The following CADPS2 variants were observed in gnomAD, a reference collection of about 807,000 sequenced individuals.
CADPS2 encodes calcium-dependent secretion activator 2.
Under a neutral mutation model 172.5 loss-of-function variants are expected in CADPS2, and 93 were observed. That is an observed-to-expected ratio of 0.54 (90% CI 0.46 to 0.64). The LOEUF (loss-of-function observed/expected upper bound fraction) is 0.64, where lower values mean the gene tolerates loss of function less well. Among genes scored for constraint, CADPS2 ranks in the 30% least tolerant of loss-of-function variants. The pLI is 0.00. For synonymous variants in CADPS2, 546 were observed against 555.2 expected, an observed-to-expected ratio of 0.98 and a Z score of 0.23; for missense variants, 1,420 against 1,565.9, an observed-to-expected ratio of 0.91 and a Z score of 1.57.
At chr7:122,796,869 G>C (rs1020086359) in intron 1 of CADPS2, among the ~76,000 whole-genome samples, 1 of 151,930 alleles carries the variant, frequency 6.6e-6, no homozygotes, top group Non-Finnish European at 1.5e-5. Context: ...CTGATGAATG[G>C]GATCTAACTC....
intron 1 of CADPS2, among the ~76,000 whole-genome samples, chr7:122,766,634 T>C (rs2093558568): frequency 6.6e-6 from 1 of 152,138 alleles, no homozygotes; most frequent in Admixed American, 6.6e-5. Flanking sequence ...TGAAACGCCA[T>C]CTTGCTCACA....
At position 122,561,415 on chromosome 7, in the gene CADPS2, T is replaced by C. The variant is rs144534219; in HGVS notation, c.1336-6726A>G. On this transcript the variant is annotated intron_variant, in intron 7 of 29. Transcript: ENST00000449022. ...AACAAAGTATTATCCTAAGTGGATA[T>C]ATTTTCCTTGACATTAGCTTGTTAA... Among the ~76,000 whole-genome samples the C allele has an allele frequency of 4.4e-4, 67 of 152,226 alleles. No individual in the cohort carries two copies. The East Asian group carries it at 4.8e-3, about 11-fold the overall frequency.
intron 17 of CADPS2, among the ~76,000 whole-genome samples, chr7:122,430,826 T>A (rs981094837): frequency 3.3e-5 from 5 of 152,228 alleles, no homozygotes; most frequent in Non-Finnish European, 5.9e-5. Context: ...TTATGAAATT[T>A]AAAAATCCTT....
At chr7:122,681,511 A>G in intron 2 of CADPS2, 3 of 1,459,994 alleles carry the variant, frequency 2.1e-6, no homozygotes, top group Non-Finnish European at 2.8e-6. Flanking sequence ...GTGCTTCCCA[A>G]GCTGTATGTG....
In CADPS2 at chr7:122,418,129, C is replaced by T. The variant is rs182224932; in HGVS notation, c.2477-1965G>A. ...AGGTTGCAGTGAGCCAATATCACAC[C>T]ATTGCGCTCCAGCCTGGGTGACAGA... On this transcript the variant is annotated intron_variant, in intron 17 of 29. Transcript: ENST00000449022. Among the ~76,000 whole-genome samples the T allele has an allele frequency of 4.4e-4, 67 of 151,124 alleles. No homozygotes were observed. The East Asian group carries it at 0.011, about 24-fold the overall frequency.
chr7:122,842,938 A>G (rs1810968059), intron 1 of CADPS2, among the ~76,000 whole-genome samples: 1 of 152,226 alleles, frequency 6.6e-6, no homozygotes, highest in Admixed American at 6.5e-5. Flanking sequence ...AAAGCCTTTC[A>G]GTGACCACAA....
chr7:122,837,530 A>T (rs1793042471), intron 1 of CADPS2, among the ~76,000 whole-genome samples: 1 of 152,218 alleles, frequency 6.6e-6, no homozygotes, highest in African/African-American at 2.4e-5. Flanking sequence ...ATAGACCACT[A>T]GCAAGACTAA....
chr7:122,838,807 T>C (rs768413738), intron 1 of CADPS2, among the ~76,000 whole-genome samples: 13 of 152,318 alleles, frequency 8.5e-5, no homozygotes, highest in Non-Finnish European at 1.6e-4. Context: ...GAAAATTCCA[T>C]GCTCATGGAT....
chr7:122,663,226 A>C lies in CADPS2; in HGVS notation c.786+11T>G, dbSNP rs1217949621. Reference sequence around the variant, plus strand: ...CAGACAGGGGAAGGGAAAATATCAGAGACCACTTACCTGACATGCATTATA... The same window carrying C: ...CAGACAGGGGAAGGGAAAATATCAGCGACCACTTACCTGACATGCATTATA... On this transcript the variant is annotated intron_variant, in intron 3 of 29. Coordinates refer to ENST00000449022, the MANE Select transcript of CADPS2 (RefSeq NM_017954.11). 1.3e-6 allele frequency: 2 copies of C among 1,580,640 alleles called. No homozygotes were observed. The highest frequency in any genetic ancestry group is 8.7e-7 in the Non-Finnish European group (1 of 1,153,818).
At chr7:122,808,600 C>T (rs1472614928) in intron 1 of CADPS2, among the ~76,000 whole-genome samples, 1 of 152,154 alleles carries the variant, frequency 6.6e-6, no homozygotes, top group Non-Finnish European at 1.5e-5. Context: ...ACTTCTTATA[C>T]ATAAATTGAA....
chr7:122,854,031 G>T (rs952303339), intron 1 of CADPS2, among the ~76,000 whole-genome samples: 3 of 152,170 alleles, frequency 2.0e-5, no homozygotes, highest in Non-Finnish European at 4.4e-5. Context: ...CCAGGCCATA[G>T]TAACTGCTGG....
At chr7:122,719,996 A>C (rs1392304341) in intron 2 of CADPS2, among the ~76,000 whole-genome samples, 1 of 152,118 alleles carries the variant, frequency 6.6e-6, no homozygotes, top group East Asian at 1.9e-4. Flanking sequence ...TGGAAACTCT[A>C]ATTATTAAAA....
intron 1 of CADPS2, among the ~76,000 whole-genome samples, chr7:122,853,066 T>TAAGGAA (rs1028865873): frequency 2.6e-5 from 4 of 152,164 alleles, no homozygotes; most frequent in African/African-American, 7.2e-5. Flanking sequence ...GAACCACAGT[T>TAAGGAA]AAGGAAAAGG....
intron 1 of CADPS2, among the ~76,000 whole-genome samples, chr7:122,821,248 C>T (rs987110254): frequency 1.2e-4 from 19 of 152,092 alleles, no homozygotes; most frequent in African/African-American, 3.9e-4. Context: ...GCGGTTCCAC[C>T]AGGCCTAATC....
intron 2 of CADPS2, chr7:122,698,439 G>C (rs140859573): frequency 1.2e-6 from 2 of 1,613,792 alleles, no homozygotes; most frequent in Admixed American, 1.7e-5. Flanking sequence ...AAATTTCCGT[G>C]CCTTTTAAGT....
At chr7:122,479,966 A>C (rs1403342223) in intron 12 of CADPS2, among the ~76,000 whole-genome samples, 1 of 152,220 alleles carries the variant, frequency 6.6e-6, no homozygotes, top group East Asian at 1.9e-4. Flanking sequence ...ATTATGTGAC[A>C]CACACATTGT....
At chr7:122,537,942 A>T (rs915243520) in intron 8 of CADPS2, among the ~76,000 whole-genome samples, 1 of 151,838 alleles carries the variant, frequency 6.6e-6, no homozygotes, top group Admixed American at 6.6e-5. Flanking sequence ...ATAATCTGGA[A>T]AAAAATACTT....
In CADPS2 at chr7:122,832,523, C is replaced by G. The variant is rs536498297; in HGVS notation, c.339+53476G>C. 4.6e-5 allele frequency among the ~76,000 whole-genome samples: 7 copies of G among 152,308 alleles called. 1 individual carries two copies. Among genetic ancestry groups the G allele is most frequent in the African/African-American group, 1.7e-4 (7 of 41,570 alleles). On this transcript the variant is annotated intron_variant, in intron 1 of 29. Coordinates refer to ENST00000449022, the MANE Select transcript of CADPS2 (RefSeq NM_017954.11). ...AAGCGCATATTTCCCTGGGTCTAGT[C>G]TTCCATCTGCATTAAATAATGGTAG...
intron 2 of CADPS2, among the ~76,000 whole-genome samples, chr7:122,731,845 T>G (rs1404297062): frequency 6.6e-6 from 1 of 151,766 alleles, no homozygotes; most frequent in African/African-American, 2.4e-5. Flanking sequence ...TCTACCATCA[T>G]GTCTGCCAAC....
Sources: gnomAD v4.1 joint callset for allele counts (sites outside exome capture counted in the v4.1 genomes callset) on GRCh38, gnomAD v4.1.1 for gene constraint, MANE v1.5 for transcripts, NCBI Gene and HGNC (gene_info 2026-07-23, HGNC 2026-07-21) for gene names.